The following DYNC1I1 variants were observed in gnomAD, a reference collection of about 807,000 sequenced individuals.
DYNC1I1 encodes the protein cytoplasmic dynein 1 intermediate chain 1.
DYNC1I1 carries 43 observed loss-of-function variants against 86.6 expected under a neutral mutation model. The ratio of observed to expected loss-of-function variants is 0.50; its 90% CI spans 0.39 to 0.64. The LOEUF is 0.64. Ranked by LOEUF, DYNC1I1 falls within the 30% of genes least tolerant of loss-of-function variation. The probability of loss-of-function intolerance (pLI) is 0.00; values close to 1 mark genes in which losing one functional copy is unlikely to be tolerated. For synonymous variants in DYNC1I1, 262 were observed against 283.7 expected (o/e 0.92, Z 0.77); for missense variants, 604 against 788.8 (o/e 0.77, Z 2.81).
At chr7:95,830,306 T>C (rs1387548366) in intron 5 of DYNC1I1, among the ~76,000 whole-genome samples, 6 of 152,150 alleles carry the variant, frequency 3.9e-5, no homozygotes, top group Admixed American at 2.6e-4. Context: ...ACAATCAAGA[T>C]AGTGAACACA....
intron 10 of DYNC1I1, among the ~76,000 whole-genome samples, chr7:96,018,807 G>GA (rs1265756930): frequency 6.6e-6 from 1 of 152,182 alleles, no homozygotes; most frequent in African/African-American, 2.4e-5. Context: ...GGCTGGTTGT[G>GA]AAAATGACAC....
In DYNC1I1 at chr7:96,086,604, C is replaced by T. The variant is rs146383716; in HGVS notation, c.1776+6116C>T. Reference sequence around the variant, plus strand: ...AGCATTTCAAATAGCTTGTTTGATACGACTATTTGGGGGCCAAAAGAATAG... The same window carrying T: ...AGCATTTCAAATAGCTTGTTTGATATGACTATTTGGGGGCCAAAAGAATAG... On this transcript the variant is annotated intron_variant, in intron 16 of 16. Transcript: ENST00000447467. 3.7e-4 allele frequency among the ~76,000 whole-genome samples: 57 copies of T among 152,150 alleles called. 1 individual carries two copies. In the East Asian group the frequency reaches 7.5e-3, roughly 20 times the overall value.
chr7:95,887,053 A>C (rs1488502), intron 6 of DYNC1I1, among the ~76,000 whole-genome samples: 1 of 152,186 alleles, frequency 6.6e-6, no homozygotes, highest in African/African-American at 2.4e-5. Flanking sequence ...CCTCGTGGGC[A>C]TAGGAGGTCC....
intron 3 of DYNC1I1, among the ~76,000 whole-genome samples, chr7:95,812,063 C>T (rs1385476932): frequency 1.3e-5 from 2 of 152,114 alleles, no homozygotes; most frequent in African/African-American, 2.4e-5. Context: ...GCCATCTCTT[C>T]GACTTACCCT....
chr7:95,803,330 G>A (rs866098667), intron 1 of DYNC1I1, among the ~76,000 whole-genome samples: 1,621 of 152,266 alleles, frequency 0.011, 21 homozygotes, highest in African/African-American at 0.037. Context: ...ATCTGGTTTT[G>A]CTTATCTTTG....
chr7:96,049,655 G>A (rs1395865554), intron 14 of DYNC1I1, among the ~76,000 whole-genome samples: 1 of 152,106 alleles, frequency 6.6e-6, no homozygotes, highest in African/African-American at 2.4e-5. Flanking sequence ...ATCGTAGAAA[G>A]AATTGGTGCT....
chr7:95,935,805 A>G (rs768977786), intron 6 of DYNC1I1, among the ~76,000 whole-genome samples: 1 of 152,098 alleles, frequency 6.6e-6, no homozygotes, highest in Non-Finnish European at 1.5e-5. Context: ...AGATTTAAAT[A>G]GACATTTCTC....
At chr7:96,096,774 C>A (rs193210245) in intron 16 of DYNC1I1, among the ~76,000 whole-genome samples, 1 of 152,048 alleles carries the variant, frequency 6.6e-6, no homozygotes, top group Non-Finnish European at 1.5e-5. Flanking sequence ...AACCAGATTC[C>A]ATTGACACTT....
intron 14 of DYNC1I1, among the ~76,000 whole-genome samples, chr7:96,050,974 A>G (rs1342058254): frequency 3.3e-5 from 5 of 152,182 alleles, no homozygotes; most frequent in South Asian, 2.1e-4. Context: ...AGCACATTAA[A>G]TTTCCTGTCC....
In DYNC1I1 at chr7:95,841,062, T is replaced by C. The variant is rs538034809; in HGVS notation, c.374+12946T>C. On this transcript the variant is annotated intron_variant, in intron 5 of 16. Coordinates refer to ENST00000447467, the MANE Select transcript of DYNC1I1 (RefSeq NM_001135556.2). ...ATGCTCACTCAGACGCAGGCTGTTT[T>C]AAATCATTGCTTTACTCTTTGTCAC... Among the ~76,000 whole-genome samples the C allele has an allele frequency of 1.8e-4, 27 of 152,348 alleles. No individual in the cohort carries two copies. The South Asian group carries it at 5.2e-3, about 29-fold the overall frequency.
intron 16 of DYNC1I1, among the ~76,000 whole-genome samples, chr7:96,109,412 TTA>T (rs1156353117): frequency 4.0e-5 from 6 of 149,470 alleles, no homozygotes; most frequent in Non-Finnish European, 8.9e-5. Context: ...TCATTATTTT[TTA>T]TCTTTTGCAT....
At chr7:95,939,507 A>G (rs1792141457) in intron 6 of DYNC1I1, among the ~76,000 whole-genome samples, 1 of 151,826 alleles carries the variant, frequency 6.6e-6, no homozygotes, top group African/African-American at 2.4e-5. Context: ...TATATTTAGG[A>G]TAATTAGCTC....
At chr7:95,959,935 C>T (rs1476708928) in intron 6 of DYNC1I1, among the ~76,000 whole-genome samples, 1 of 152,162 alleles carries the variant, frequency 6.6e-6, no homozygotes, top group Non-Finnish European at 1.5e-5. Context: ...TACACTACCT[C>T]CTTGGGGCAA....
rs532755634 is a variant in DYNC1I1, at chr7:95,918,676, C to T, written c.490+48678C>T. On this transcript the variant is annotated intron_variant, in intron 6 of 16. Transcript: ENST00000447467. Reference sequence around the variant, plus strand: ...GAAATTCCTTTGGAAAAAGAAAGAACTAACTTCCTAGAGGTGAATGGAAGG... The same window carrying T: ...GAAATTCCTTTGGAAAAAGAAAGAATTAACTTCCTAGAGGTGAATGGAAGG... Among the ~76,000 whole-genome samples the T allele has an allele frequency of 5.3e-5, 8 of 152,302 alleles. No individual in the cohort carries two copies. In the East Asian group the frequency reaches 1.5e-3, roughly 29 times the overall value.
intron 6 of DYNC1I1, among the ~76,000 whole-genome samples, chr7:95,910,986 G>A (rs1347353849): frequency 2.0e-5 from 3 of 152,222 alleles, no homozygotes; most frequent in South Asian, 2.1e-4. Flanking sequence ...TTTTAAAAAC[G>A]AGAGGTGAGA....
Position 95,813,272 on chromosome 7 carries a change from G to A in DYNC1I1, c.249G>A (p.Ser83=), listed in dbSNP as rs549738585. The A allele has an allele frequency of 3.2e-5, 52 of 1,611,300 alleles. No homozygotes were observed. Among genetic ancestry groups the A allele is most frequent in the South Asian group, 3.3e-5 (3 of 90,988 alleles). Residue 83 remains serine (S), a synonymous_variant, in exon 4 of 17, where the codon TCG becomes TCA. Transcript: ENST00000447467. ...TCCCAACCCCTATGTCTCCCTCCTCGAAATCAGTGAGCACTCCCAGTGAAG... is the reference window on the plus strand; with the variant it reads ...TCCCAACCCCTATGTCTCCCTCCTCAAAATCAGTGAGCACTCCCAGTGAAG... ...PLVPTPMSPS[S]KSVSTPSEAG...
At chr7:95,789,551 A>G (rs74960119) in intron 1 of DYNC1I1, among the ~76,000 whole-genome samples, 3,365 of 152,246 alleles carry the variant, frequency 0.022, 120 homozygotes, top group African/African-American at 0.077. Flanking sequence ...TGCTTTGGTC[A>G]TTCTGTGATA....
At chr7:96,025,597 G>T (rs1794658625) in intron 10 of DYNC1I1, among the ~76,000 whole-genome samples, 1 of 152,152 alleles carries the variant, frequency 6.6e-6, no homozygotes, top group African/African-American at 2.4e-5. Flanking sequence ...CTGAATTTGA[G>T]ATGGGGGCTT....
intron 14 of DYNC1I1, among the ~76,000 whole-genome samples, chr7:96,065,280 TTC>T (rs1390230141): frequency 1.3e-5 from 2 of 152,118 alleles, no homozygotes; most frequent in African/African-American, 4.8e-5. Context: ...TCTCCACTGG[TTC>T]TCTCTCTTCT....
Sources: gnomAD v4.1 joint callset for allele counts (sites outside exome capture counted in the v4.1 genomes callset) on GRCh38, gnomAD v4.1.1 for gene constraint, MANE v1.5 for transcripts, NCBI Gene and HGNC (gene_info 2026-07-23, HGNC 2026-07-21) for gene names.